Variants in TNR observed in about 807,000 individuals in gnomAD.
TNR encodes tenascin R.
A neutral mutation model predicts 150.4 loss-of-function variants in TNR; 45 were observed. The ratio of observed to expected loss-of-function variants is 0.30; its 90% confidence interval spans 0.24 to 0.38. The LOEUF (loss-of-function observed/expected upper bound fraction) is 0.38, where lower values mean the gene tolerates loss of function less well. TNR is among the 10% of genes least tolerant of loss of function. The pLI is 1.00. For synonymous variants in TNR, 687 were observed against 678.4 expected (o/e 1.01, Z -0.20); for missense variants, 1,544 against 1,759.1 (o/e 0.88, Z 2.19).
chr1:175,414,796 TGGGA>T (rs1001424215), intron 2 of TNR, among the ~76,000 whole-genome samples: 23 of 152,312 alleles, frequency 1.5e-4, no homozygotes, highest in African/African-American at 5.1e-4. Context: ...TTTGAGGGAC[TGGGA>T]GGAAGGACTG....
chr1:175,615,710 C>T (rs561410194), intron 1 of TNR, among the ~76,000 whole-genome samples: 4 of 152,240 alleles, frequency 2.6e-5, no homozygotes, highest in South Asian at 2.1e-4. Context: ...GGAGATTAAG[C>T]GGAGCCTTCC....
intron 2 of TNR, among the ~76,000 whole-genome samples, chr1:175,517,820 GATGT>G: frequency 6.6e-6 from 1 of 152,286 alleles, no homozygotes; most frequent in East Asian, 1.9e-4. Flanking sequence ...CCACATGTGT[GATGT>G]GGGTCTGGGA....
chr1:175,469,517 G>A (rs142634038), intron 2 of TNR, among the ~76,000 whole-genome samples: 1 of 152,004 alleles, frequency 6.6e-6, no homozygotes. Context: ...TCAAGCAGGG[G>A]ACTGAGGTTG....
intron 1 of TNR, among the ~76,000 whole-genome samples, chr1:175,635,771 C>A (rs778762435): frequency 5.3e-5 from 8 of 152,180 alleles, no homozygotes; most frequent in Non-Finnish European, 1.2e-4. Context: ...TCATCTTGGA[C>A]TATTACAGTC....
chr1:175,564,483 A>C (rs1661558201), intron 1 of TNR, among the ~76,000 whole-genome samples: 1 of 152,236 alleles, frequency 6.6e-6, no homozygotes, highest in Non-Finnish European at 1.5e-5. Context: ...CATAATTAAT[A>C]TATCAAATGG....
intron 1 of TNR, among the ~76,000 whole-genome samples, chr1:175,616,396 C>A (rs1431059279): frequency 6.6e-6 from 1 of 152,198 alleles, no homozygotes; most frequent in Non-Finnish European, 1.5e-5. Flanking sequence ...TCTGCAGGCA[C>A]CCACAACCTC....
intron 1 of TNR, among the ~76,000 whole-genome samples, chr1:175,604,955 T>C (rs1192608147): frequency 6.6e-6 from 1 of 152,182 alleles, no homozygotes; most frequent in Admixed American, 6.5e-5. Flanking sequence ...CATACACAAA[T>C]GGAACACCCA....
chr1:175,690,152 T>C (rs887689815), intron 1 of TNR, among the ~76,000 whole-genome samples: 16 of 151,998 alleles, frequency 1.1e-4, no homozygotes, highest in African/African-American at 3.4e-4. Context: ...GCTATGTCTT[T>C]TTATTCTATT....
chr1:175,672,604 G>A (rs1039630638), intron 1 of TNR, among the ~76,000 whole-genome samples: 5 of 152,150 alleles, frequency 3.3e-5, no homozygotes, highest in Non-Finnish European at 5.9e-5. Context: ...CCACATACAG[G>A]CCACAACCTG....
intron 1 of TNR, among the ~76,000 whole-genome samples, chr1:175,727,043 C>T (rs1667500048): frequency 6.6e-6 from 1 of 152,156 alleles, no homozygotes; most frequent in Non-Finnish European, 1.5e-5. Flanking sequence ...CTGCCTACTC[C>T]TTGATGACTC....
intron 1 of TNR, among the ~76,000 whole-genome samples, chr1:175,641,063 C>T (rs1373700213): frequency 1.3e-5 from 2 of 151,584 alleles, no homozygotes; most frequent in South Asian, 2.1e-4. Flanking sequence ...TATTGTACCT[C>T]GATAATAAAA....
rs774615489 is a variant in TNR, at chr1:175,386,285, C to T, written c.1524G>A (p.Thr508=). Residue 508 remains threonine (T), a synonymous_variant, in exon 8 of 23, where the codon ACG becomes ACA. Transcript: ENST00000367674. ...CCGAGACATCGCGAACCAGGATCTG[C>T]GTGGGGCCGTCAATGACTGAGTGAG... ...ASVSTVIDGP[T]QILVRDVSDT... 19 of 1,568,534 alleles carry T rather than the reference C, an allele frequency of 1.2e-5. No individual in the cohort carries two copies. The highest frequency in any genetic ancestry group is 1.4e-5 in the African/African-American group (1 of 73,954).
chr1:175,451,801 C>T (rs1213472074), intron 2 of TNR, among the ~76,000 whole-genome samples: 3 of 152,240 alleles, frequency 2.0e-5, no homozygotes, highest in Admixed American at 1.3e-4. Flanking sequence ...GCATTTTGAA[C>T]GTTGGAGAGA....
intron 2 of TNR, among the ~76,000 whole-genome samples, chr1:175,421,820 G>C (rs6425348): frequency 0.015 from 2,261 of 152,286 alleles, 72 homozygotes; most frequent in African/African-American, 0.052. Context: ...GATCAGATAT[G>C]ATTATATGCC....
intron 14 of TNR, among the ~76,000 whole-genome samples, chr1:175,362,368 T>C (rs972328489): frequency 3.3e-5 from 5 of 152,208 alleles, no homozygotes; most frequent in African/African-American, 7.2e-5. Context: ...GATTCAGATA[T>C]CTGTTTTAGA....
chr1:175,336,737 C>A (rs545097756), intron 19 of TNR, among the ~76,000 whole-genome samples: 1 of 152,280 alleles, frequency 6.6e-6, no homozygotes, highest in East Asian at 1.9e-4. Flanking sequence ...ACCAGGGAGA[C>A]CCCAGGAAGA....
In TNR at chr1:175,599,089, G is replaced by A. The variant is rs1663123627; in HGVS notation, c.-164-70720C>T. Reference sequence around the variant, plus strand: ...AGGCAGGGTGGAGCTGCGGTCTCCAGACTCCATTCCAGCCTCTATGGGCCC... The same window carrying A: ...AGGCAGGGTGGAGCTGCGGTCTCCAAACTCCATTCCAGCCTCTATGGGCCC... On this transcript the variant is annotated intron_variant, in intron 1 of 22. Coordinates refer to ENST00000367674, the MANE Select transcript of TNR (RefSeq NM_003285.3). The surrounding 1 kb of genome is among the most constrained non-coding windows in gnomAD (Gnocchi z 4.7). Among the ~76,000 whole-genome samples the A allele has an allele frequency of 6.6e-6, 1 of 152,186 alleles. No homozygotes were observed. Among genetic ancestry groups the A allele is most frequent in the Admixed American group, 6.5e-5 (1 of 15,278 alleles).
At chr1:175,337,407 C>T in intron 19 of TNR, 121 bp downstream of exon 19, 1 of 1,175,504 alleles carries the variant, frequency 8.5e-7, no homozygotes. Flanking sequence ...CCAAGATGGA[C>T]ATGTGGGGGG....
chr1:175,713,324 C>A (rs1372586145), intron 1 of TNR, among the ~76,000 whole-genome samples: 1 of 152,200 alleles, frequency 6.6e-6, no homozygotes, highest in East Asian at 1.9e-4. Flanking sequence ...CTACTTAATA[C>A]CATAAACAAC....
Sources: gnomAD v4.1 joint callset for allele counts (sites outside exome capture counted in the v4.1 genomes callset) on GRCh38, gnomAD v4.1.1 for gene constraint, Gnocchi (gnomAD v3.1) non-coding constraint, MANE v1.5 for transcripts, NCBI Gene and HGNC (gene_info 2026-07-23, HGNC 2026-07-21) for gene names.